Variants in EPHB2 observed in about 807,000 individuals in gnomAD.
The protein encoded by EPHB2 is EPH receptor B2.
In EPHB2, 18 loss-of-function variants were observed where a neutral mutation model predicts 96.4. The observed-to-expected ratio is 0.19, with a 90% CI of 0.13 to 0.28. The LOEUF is 0.28. Among genes scored for constraint, EPHB2 ranks in the 10% least tolerant of loss-of-function variants. EPHB2 has a pLI of 1.00. For missense variants in EPHB2, 989 were observed against 1,355.4 expected (o/e 0.73, Z 4.25); for synonymous variants, 506 against 534.1 (o/e 0.95, Z 0.72).
intron 3 of EPHB2, among the ~76,000 whole-genome samples, chr1:22,816,630 C>T (rs1388878943): frequency 1.3e-5 from 2 of 152,200 alleles, no homozygotes; most frequent in Non-Finnish European, 1.5e-5. Flanking sequence ...CCCTGTCTCA[C>T]GTTGCTGATT....
chr1:22,760,689 C>T (rs1644223351), intron 1 of EPHB2, among the ~76,000 whole-genome samples: 2 of 152,120 alleles, frequency 1.3e-5, no homozygotes, highest in South Asian at 4.1e-4. Context: ...GCCAGCTGAG[C>T]ACACCCCAAG....
chr1:22,826,203 G>A (rs979467632), intron 3 of EPHB2, among the ~76,000 whole-genome samples: 2 of 152,166 alleles, frequency 1.3e-5, no homozygotes, highest in African/African-American at 2.4e-5. Flanking sequence ...TCTACTAAGT[G>A]CGTTCAGTGT....
intron 3 of EPHB2, among the ~76,000 whole-genome samples, chr1:22,818,600 C>T (rs960784523): frequency 2.6e-5 from 4 of 152,260 alleles, no homozygotes; most frequent in Admixed American, 6.5e-5. Flanking sequence ...TGACACCCTC[C>T]GGCCCAGCCT....
chr1:22,716,424 C>T (rs1643296619), intron 1 of EPHB2, among the ~76,000 whole-genome samples: 2 of 152,142 alleles, frequency 1.3e-5, no homozygotes, highest in East Asian at 1.9e-4. Context: ...CTCCGCCTCC[C>T]GGGTTCAAGC....
At chr1:22,756,562 T>A (rs538853097) in intron 1 of EPHB2, among the ~76,000 whole-genome samples, 45 of 152,186 alleles carry the variant, frequency 3.0e-4, no homozygotes, top group Admixed American at 7.2e-4. Flanking sequence ...CGCCTGCAGA[T>A]TTATGAGGTG....
Position 22,909,138 on chromosome 1 carries a change from G to A in EPHB2, c.2469G>A (p.Gly823=), listed in dbSNP as rs1182945784. 1 of 1,614,210 alleles carries A rather than the reference G, an allele frequency of 6.2e-7. No individual in the cohort carries two copies. The highest frequency in any genetic ancestry group is 1.7e-5 in the Admixed American group (1 of 60,030). ...GIVMWEVMSY[G]ERPYWDMTNQ... The stretch of plus-strand genomic sequence containing the variant: ...TCATGTGGGAGGTGATGTCCTATGG[G>A]GAGCGGCCCTACTGGGACATGACCA... The change falls in exon 13 of 16, where the codon GGG becomes GGA. Residue 823 remains glycine, a synonymous_variant. Coordinates refer to ENST00000374630, the MANE Select transcript of EPHB2 (RefSeq NM_017449.5).
chr1:22,730,350 G>A (rs1643680629), intron 1 of EPHB2, among the ~76,000 whole-genome samples: 1 of 152,236 alleles, frequency 6.6e-6, no homozygotes, highest in Non-Finnish European at 1.5e-5. Context: ...GGTGGGAGGT[G>A]TCAGGGATCC....
At chr1:22,750,917 C>T (rs982274884) in intron 1 of EPHB2, among the ~76,000 whole-genome samples, 22 of 152,302 alleles carry the variant, frequency 1.4e-4, no homozygotes, top group Admixed American at 5.9e-4. Flanking sequence ...ATCCAGGCAG[C>T]AGGCCCCAGA....
At chr1:22,720,584 G>A (rs1643429648) in intron 1 of EPHB2, among the ~76,000 whole-genome samples, 1 of 146,820 alleles carries the variant, frequency 6.8e-6, no homozygotes, top group African/African-American at 2.5e-5. Flanking sequence ...CATATTTGGA[G>A]ACAGCCTCTC....
At chr1:22,866,290 A>G (rs1009769225) in intron 5 of EPHB2, among the ~76,000 whole-genome samples, 1 of 152,106 alleles carries the variant, frequency 6.6e-6, no homozygotes, top group African/African-American at 2.4e-5. Flanking sequence ...TGCAAGAGGG[A>G]AAGTGACTGG....
At chr1:22,748,435 G>T (rs1181539730) in intron 1 of EPHB2, among the ~76,000 whole-genome samples, 1 of 150,774 alleles carries the variant, frequency 6.6e-6, no homozygotes, top group Non-Finnish European at 1.5e-5. Context: ...AGGCTGGAGT[G>T]CAGTGGCGTG....
chr1:22,908,453 A>G (rs309499), intron 12 of EPHB2, among the ~76,000 whole-genome samples: 88,207 of 152,184 alleles, frequency 0.58, 26,498 homozygotes, highest in African/African-American at 0.74. Flanking sequence ...AGCTGAGAGC[A>G]GAAGGGCCCG....
chr1:22,814,867 C>T (rs1645050082), intron 3 of EPHB2, among the ~76,000 whole-genome samples: 1 of 152,224 alleles, frequency 6.6e-6, no homozygotes, highest in East Asian at 1.9e-4. Context: ...CACAAATGCA[C>T]GCCGGCTCAT....
intron 1 of EPHB2, among the ~76,000 whole-genome samples, chr1:22,748,463 G>C (rs1644009702): frequency 1.3e-5 from 2 of 150,876 alleles, no homozygotes; most frequent in African/African-American, 4.9e-5. Context: ...CTCACTGCAA[G>C]CTCCACCTCC....
intron 1 of EPHB2, among the ~76,000 whole-genome samples, chr1:22,737,025 C>A (rs1013051810): frequency 6.6e-6 from 1 of 152,142 alleles, no homozygotes; most frequent in African/African-American, 2.4e-5. Context: ...CAGCCATCGG[C>A]GTGACGAGGA....
intron 3 of EPHB2, among the ~76,000 whole-genome samples, chr1:22,795,492 TTTTG>T (rs372748507): frequency 0.75 from 113,693 of 150,630 alleles, 43,224 homozygotes; most frequent in Middle Eastern, 0.87. Flanking sequence ...TTTTGTTTTG[TTTTG>T]CCCCCATAGC....
At chr1:22,819,177 A>C (rs1226119551) in intron 3 of EPHB2, among the ~76,000 whole-genome samples, 1 of 148,450 alleles carries the variant, frequency 6.7e-6, no homozygotes, top group East Asian at 2.1e-4. Flanking sequence ...CCAGCTCTGC[A>C]GTTCCACAGC....
At chr1:22,728,972 C>CG (rs550680024) in intron 1 of EPHB2, among the ~76,000 whole-genome samples, 268 of 152,330 alleles carry the variant, frequency 1.8e-3, no homozygotes, top group African/African-American at 6.0e-3. Flanking sequence ...CTGCACGCGG[C>CG]GGGCCAGGCT....
At chr1:22,791,048 C>T (rs532470701) in intron 3 of EPHB2, among the ~76,000 whole-genome samples, 86 of 152,306 alleles carry the variant, frequency 5.6e-4, no homozygotes, top group African/African-American at 6.5e-4. Flanking sequence ...TGACCCTCTC[C>T]CAACCTTTGT....
Sources: allele counts gnomAD v4.1 joint callset (sites outside exome capture counted in the v4.1 genomes callset), GRCh38; gene constraint gnomAD v4.1.1; transcripts MANE v1.5; gene names NCBI Gene and HGNC (gene_info 2026-07-23, HGNC 2026-07-21).